The following MYO3B variants were observed in gnomAD, a reference collection of about 807,000 sequenced individuals.
MYO3B encodes myosin IIIB.
Under a neutral mutation model 174.6 loss-of-function variants are expected in MYO3B, and 156 were observed. The ratio of observed to expected loss-of-function variants is 0.89; its 90% confidence interval spans 0.78 to 1.02. The LOEUF is 1.02. MYO3B is among the 50% of genes least tolerant of loss of function. The pLI is 0.00. For synonymous variants in MYO3B, 563 were observed against 569.1 expected, an observed-to-expected ratio of 0.99 and a Z score of 0.15; for missense variants, 1,632 against 1,639.4, an observed-to-expected ratio of 1.00 and a Z score of 0.08.
chr2:170,180,032 G>A (rs1455655508), intron 1 of MYO3B: 1 of 220,068 alleles, frequency 4.5e-6, no homozygotes, highest in Non-Finnish European at 1.0e-5. Flanking sequence ...ATTCTGAATA[G>A]CATACTGAGC....
chr2:170,229,472 A>G (rs1225130622), intron 6 of MYO3B, among the ~76,000 whole-genome samples: 2 of 152,270 alleles, frequency 1.3e-5, no homozygotes, highest in Non-Finnish European at 2.9e-5. Flanking sequence ...AAATCAGAAC[A>G]TAGAAGGCAA....
intron 23 of MYO3B, among the ~76,000 whole-genome samples, chr2:170,445,671 A>C (rs2094836214): frequency 6.7e-6 from 1 of 150,120 alleles, no homozygotes; most frequent in South Asian, 2.1e-4. Flanking sequence ...TCTCACTCTT[A>C]TGGTCCAGGC....
chr2:170,374,925 T>G (rs1410521051), intron 9 of MYO3B, among the ~76,000 whole-genome samples: 1 of 152,134 alleles, frequency 6.6e-6, no homozygotes, highest in Non-Finnish European at 1.5e-5. Context: ...GGAATTTAAG[T>G]TTTTCCAGTA....
At chr2:170,559,724 C>T (rs1691578817) in intron 32 of MYO3B, among the ~76,000 whole-genome samples, 1 of 152,098 alleles carries the variant, frequency 6.6e-6, no homozygotes, top group Non-Finnish European at 1.5e-5. Flanking sequence ...ACTTCCTGAC[C>T]TCCCACTTTC....
Position 170,653,487 on chromosome 2 carries a change from A to G in MYO3B, c.*366A>G, listed in dbSNP as rs1197762509. 5.3e-6 allele frequency: 1 copy of G among 190,128 alleles called. No homozygotes were observed. Among genetic ancestry groups the G allele is most frequent in the Non-Finnish European group, 1.1e-5 (1 of 92,002 alleles). 11.8% of individuals were successfully genotyped at this position (190,128 alleles called of 1,614,324 possible). ...CTGATAATATTGCTTGATTTTTCCT[A>G]TCAAGTTACTTTTCAATCCATTCAG... On this transcript the variant is annotated 3_prime_UTR_variant, in exon 35 of 35. Transcript: ENST00000408978.
chr2:170,524,571 C>G (rs549600323), intron 30 of MYO3B: 1 of 425,092 alleles, frequency 2.4e-6, no homozygotes, highest in East Asian at 8.0e-5. Flanking sequence ...GCAACCTCCG[C>G]CCTCTGGGTT....
intron 30 of MYO3B, among the ~76,000 whole-genome samples, chr2:170,536,877 C>G (rs1689715803): frequency 1.3e-5 from 2 of 152,088 alleles, no homozygotes; most frequent in East Asian, 3.9e-4. Flanking sequence ...TTGCCTCCCT[C>G]AAGATTCTTG....
chr2:170,400,653 C>CA (rs918494746), intron 17 of MYO3B, among the ~76,000 whole-genome samples: 1 of 140,634 alleles, frequency 7.1e-6, no homozygotes, highest in Non-Finnish European at 1.5e-5. Flanking sequence ...TCCACCCCCC[C>CA]CCCCTCGGCC....
intron 22 of MYO3B, among the ~76,000 whole-genome samples, chr2:170,429,839 A>G (rs1284207872): frequency 6.6e-6 from 1 of 152,066 alleles, no homozygotes; most frequent in Non-Finnish European, 1.5e-5. Flanking sequence ...CACTTTATTC[A>G]GAGATTTATT....
chr2:170,586,459 C>T (rs1693503237), intron 32 of MYO3B, among the ~76,000 whole-genome samples: 2 of 152,156 alleles, frequency 1.3e-5, no homozygotes, highest in Admixed American at 6.5e-5. Flanking sequence ...TGTGTGCACC[C>T]GCTCACCACA....
chr2:170,497,817 C>T (rs965194890), intron 25 of MYO3B, among the ~76,000 whole-genome samples: 12 of 151,814 alleles, frequency 7.9e-5, no homozygotes, highest in Non-Finnish European at 1.5e-4. Flanking sequence ...AGGTGGCTCA[C>T]GCTTGTAATC....
At chr2:170,449,177 T>C (rs1047360474) in intron 23 of MYO3B, among the ~76,000 whole-genome samples, 1 of 152,228 alleles carries the variant, frequency 6.6e-6, no homozygotes, top group Non-Finnish European at 1.5e-5. Context: ...ACACGGACTG[T>C]GTAGACAAGG....
At chr2:170,503,880 C>T (rs1687446768) in intron 28 of MYO3B, among the ~76,000 whole-genome samples, 2 of 152,116 alleles carry the variant, frequency 1.3e-5, no homozygotes, top group South Asian at 4.1e-4. Context: ...GGAATTGGTG[C>T]GCTGGTTTTG....
intron 22 of MYO3B, among the ~76,000 whole-genome samples, chr2:170,437,226 G>A (rs1231512115): frequency 1.3e-5 from 2 of 148,288 alleles, no homozygotes; most frequent in African/African-American, 2.6e-5. Context: ...TGATTCACTG[G>A]GGGTGGCCAG....
chr2:170,514,268 G>T (rs1022338687), intron 28 of MYO3B, among the ~76,000 whole-genome samples: 1 of 152,230 alleles, frequency 6.6e-6, no homozygotes, highest in African/African-American at 2.4e-5. Flanking sequence ...GTGACAGCTG[G>T]GAAAATCCCT....
chr2:170,256,456 G>C (rs529742515), intron 7 of MYO3B, among the ~76,000 whole-genome samples: 1 of 152,082 alleles, frequency 6.6e-6, no homozygotes, highest in Non-Finnish European at 1.5e-5. Flanking sequence ...TATCTTACAA[G>C]CCAGAAGAGA....
chr2:170,423,485 CA>C (rs2094634904), intron 22 of MYO3B, among the ~76,000 whole-genome samples: 1 of 151,160 alleles, frequency 6.6e-6, no homozygotes, highest in African/African-American at 2.4e-5. Context: ...TTGGCTTCTT[CA>C]TAAAATATTT....
In MYO3B at chr2:170,331,049, G is replaced by T. The variant is rs147971418; in HGVS notation, c.750-4336G>T. On this transcript the variant is annotated intron_variant, in intron 7 of 34. Transcript: ENST00000408978. The stretch of plus-strand genomic sequence containing the variant: ...AAACATGAGTAGGAGCCTGCCAGGT[G>T]GACAAATTAGGGAGAGTATTCTAAA... Among the ~76,000 whole-genome samples, 318 of 152,262 alleles carry T rather than the reference G, an allele frequency of 2.1e-3. 1 individual carries two copies. The highest frequency in any genetic ancestry group is 7.5e-3 in the African/African-American group (310 of 41,548).
chr2:170,199,254 C>A lies in MYO3B; in HGVS notation c.49C>A (p.Leu17Ile). The change falls in exon 2 of 35, where the codon CTT becomes ATT. Residue 17 changes from leucine to isoleucine, a missense_variant. Leu to Ile is a conservative substitution (Grantham distance 5). Transcript: ENST00000408978. The part of the protein sequence containing the change: ...LFHYNPMMLG[L>I]ESLPDPTDTW... ...TCACTATAATCCTATGATGCTTGGA[C>A]TTGAATCACTTCCAGATCCCACAGA... is the stretch of plus-strand genomic sequence containing the variant. 1.9e-6 allele frequency: 3 copies of A among 1,613,436 alleles called. No homozygotes were observed. Among genetic ancestry groups the A allele is most frequent in the Non-Finnish European group, 2.5e-6 (3 of 1,179,612 alleles).
Sources: gnomAD v4.1 joint callset for allele counts (sites outside exome capture counted in the v4.1 genomes callset) on GRCh38, gnomAD v4.1.1 for gene constraint, MANE v1.5 for transcripts, NCBI Gene and HGNC (gene_info 2026-07-23, HGNC 2026-07-21) for gene names.